SPAG16: variants seen among roughly 807,000 people sequenced by gnomAD.
SPAG16 encodes the protein sperm-associated antigen 16 protein.
In SPAG16, 86 loss-of-function variants were observed where a neutral mutation model predicts 80.4. The ratio of observed to expected loss-of-function variants is 1.07; its 90% CI spans 0.90 to 1.28. The LOEUF is 1.28. SPAG16 is among the 50% of genes most tolerant of loss of function. SPAG16 has a pLI of 0.00. For missense variants in SPAG16, 870 were observed against 765.3 expected, an observed-to-expected ratio of 1.14 and a Z score of -1.61; for synonymous variants, 294 against 265.9, an observed-to-expected ratio of 1.11 and a Z score of -1.03.
intron 10 of SPAG16, among the ~76,000 whole-genome samples, chr2:213,648,178 G>A (rs11686107): frequency 0.35 from 53,484 of 151,914 alleles, 9,801 homozygotes; most frequent in Middle Eastern, 0.5. Flanking sequence ...GTAAAGGAAA[G>A]ATGAAACTCT....
At chr2:214,031,413 G>A (rs1461019576) in intron 13 of SPAG16, among the ~76,000 whole-genome samples, 3 of 108,766 alleles carry the variant, frequency 2.8e-5, no homozygotes, top group Non-Finnish European at 1.7e-5. Context: ...ACAGGAAGGG[G>A]AACATCACAC....
chr2:213,405,107 T>A (rs2068542598), intron 9 of SPAG16, among the ~76,000 whole-genome samples: 1 of 152,164 alleles, frequency 6.6e-6, no homozygotes, highest in African/African-American at 2.4e-5. Context: ...TTCACTACTG[T>A]CGAGTGTAAC....
chr2:213,923,026 C>G (rs550833577), intron 11 of SPAG16, among the ~76,000 whole-genome samples: 1 of 152,192 alleles, frequency 6.6e-6, no homozygotes, highest in East Asian at 1.9e-4. Context: ...CAGGTGTGGT[C>G]CATCTGGCTA....
chr2:214,187,821 A>G (rs2057529102), intron 15 of SPAG16, among the ~76,000 whole-genome samples: 1 of 151,994 alleles, frequency 6.6e-6, no homozygotes, highest in Non-Finnish European at 1.5e-5. Flanking sequence ...TGAAATGAGG[A>G]AGAAAAAAAA....
intron 10 of SPAG16, among the ~76,000 whole-genome samples, chr2:213,647,856 G>A (rs1391352626): frequency 1.8e-4 from 28 of 152,102 alleles, no homozygotes; most frequent in Non-Finnish European, 4.0e-4. Flanking sequence ...AGGACTAAAC[G>A]AGACTTGAAG....
At chr2:214,247,236 T>C (rs1689912050) in intron 15 of SPAG16, among the ~76,000 whole-genome samples, 1 of 152,156 alleles carries the variant, frequency 6.6e-6, no homozygotes, top group African/African-American at 2.4e-5. Context: ...TGAGATGATA[T>C]ATTCCATCAT....
chr2:213,609,982 T>C (rs1377436179), intron 10 of SPAG16, among the ~76,000 whole-genome samples: 2 of 152,146 alleles, frequency 1.3e-5, no homozygotes, highest in East Asian at 3.9e-4. Flanking sequence ...GGCCAGGTCA[T>C]GGTTGGCTAA....
intron 11 of SPAG16, among the ~76,000 whole-genome samples, chr2:213,888,823 A>G (rs2076667281): frequency 6.6e-6 from 1 of 151,916 alleles, no homozygotes; most frequent in Non-Finnish European, 1.5e-5. Context: ...AAATAAAAAC[A>G]TATTTGGAGG....
At chr2:213,720,815 G>A (rs1246422413) in intron 10 of SPAG16, among the ~76,000 whole-genome samples, 2 of 134,644 alleles carry the variant, frequency 1.5e-5, no homozygotes, top group African/African-American at 2.8e-5. Context: ...GCACGATCTC[G>A]GCTCACTGCA....
chr2:214,212,341 G>A (rs369517259), intron 15 of SPAG16, among the ~76,000 whole-genome samples: 5 of 151,958 alleles, frequency 3.3e-5, no homozygotes, highest in South Asian at 2.1e-4. Flanking sequence ...AAGTATCACC[G>A]CCTCAGAGGT....
chr2:214,001,080 G>A (rs1220013369), intron 12 of SPAG16, among the ~76,000 whole-genome samples: 1 of 152,140 alleles, frequency 6.6e-6, no homozygotes, highest in Admixed American at 6.6e-5. Context: ...TATCATTGTG[G>A]CTACATGTGA....
chr2:214,243,137 A>G (rs1689610656), intron 15 of SPAG16, among the ~76,000 whole-genome samples: 1 of 152,146 alleles, frequency 6.6e-6, no homozygotes, highest in Non-Finnish European at 1.5e-5. Context: ...AACCTGGTTC[A>G]ATGTCTGGAA....
intron 15 of SPAG16, among the ~76,000 whole-genome samples, chr2:214,225,902 A>T (rs1028637839): frequency 9.8e-5 from 15 of 152,300 alleles, no homozygotes; most frequent in Admixed American, 7.2e-4. Flanking sequence ...CATTGAAAAC[A>T]TCATTACTTA....
chr2:214,275,537 C>T (rs112691234), intron 15 of SPAG16, among the ~76,000 whole-genome samples: 2,600 of 152,246 alleles, frequency 0.017, 49 homozygotes, highest in African/African-American at 0.04. Context: ...TTTCTGCCTT[C>T]ATTTCATTAT....
chr2:214,394,395 A>G (rs1483568860), intron 15 of SPAG16, among the ~76,000 whole-genome samples: 2 of 152,180 alleles, frequency 1.3e-5, no homozygotes, highest in Non-Finnish European at 2.9e-5. Flanking sequence ...AGGGTTCACA[A>G]TTGAGAGAAG....
intron 9 of SPAG16, among the ~76,000 whole-genome samples, chr2:213,424,959 C>T (rs968064264): frequency 5.3e-5 from 8 of 152,144 alleles, no homozygotes; most frequent in Admixed American, 2.0e-4. Context: ...TTGTTGTATT[C>T]ACTGTCAGGA....
chr2:214,150,175 T>A (rs1176502466), intron 15 of SPAG16, among the ~76,000 whole-genome samples: 1 of 152,086 alleles, frequency 6.6e-6, no homozygotes, highest in East Asian at 1.9e-4. Context: ...CGTTTATTCT[T>A]TAGTCCAGAA....
At chr2:213,368,554 G>C (rs181531547) in intron 8 of SPAG16, among the ~76,000 whole-genome samples, 5 of 152,180 alleles carry the variant, frequency 3.3e-5, no homozygotes, top group Non-Finnish European at 5.9e-5. Context: ...AGTGTTGGAA[G>C]TTCTGGCCAG....
rs532318801 is a variant in SPAG16 at position 214,351,564 on chromosome 2, G to C, written c.1721-58576G>C. Among the ~76,000 whole-genome samples the C allele has an allele frequency of 2.2e-3, 337 of 152,188 alleles. 2 individuals carry two copies. Among genetic ancestry groups the C allele is most frequent in the African/African-American group, 7.7e-3 (320 of 41,552 alleles). ...AAAAAATACAAAAAATTAGCCGGGC[G>C]TGGTGGCAGGTGCCTGTAGTCCCAG... On this transcript the variant is annotated intron_variant, in intron 15 of 15. Coordinates refer to ENST00000331683, the MANE Select transcript of SPAG16 (RefSeq NM_024532.5).
Sources: allele counts gnomAD v4.1 joint callset (sites outside exome capture counted in the v4.1 genomes callset), GRCh38; gene constraint gnomAD v4.1.1; transcripts MANE v1.5; gene names NCBI Gene and HGNC (gene_info 2026-07-23, HGNC 2026-07-21).